The following SOBP variants were observed in gnomAD, a reference collection of about 807,000 sequenced individuals.
SOBP encodes sine oculis-binding protein homolog.
Under a neutral mutation model 53.6 loss-of-function variants are expected in SOBP, and 4 were observed. That is an observed-to-expected ratio of 0.07 (90% confidence interval 0.04 to 0.17). SOBP has a LOEUF of 0.17. SOBP is among the 10% of genes least tolerant of loss of function. The probability of loss-of-function intolerance (pLI) is 1.00; values close to 1 mark genes in which losing one functional copy is unlikely to be tolerated. For missense variants in SOBP, 1,088 were observed against 1,204.7 expected, an observed-to-expected ratio of 0.90 and a Z score of 1.43; for synonymous variants, 584 against 522.6, an observed-to-expected ratio of 1.12 and a Z score of -1.60.
chr6:107,501,537 A>G (rs1422608883), intron 1 of SOBP, among the ~76,000 whole-genome samples: 1 of 152,244 alleles, frequency 6.6e-6, no homozygotes, highest in Non-Finnish European at 1.5e-5. Flanking sequence ...ATTGGGGCAG[A>G]TGGCACACAG....
At chr6:107,568,670 G>A (rs1342033512) in intron 4 of SOBP, among the ~76,000 whole-genome samples, 1 of 152,240 alleles carries the variant, frequency 6.6e-6, no homozygotes, top group South Asian at 2.1e-4. Context: ...AGGGACACTA[G>A]TGGGTATTGT....
In SOBP at chr6:107,533,607, T is replaced by G. The variant is rs1234339905; in HGVS notation, c.570T>G (p.Asn190Lys). 1 of 1,614,004 alleles carries G rather than the reference T, an allele frequency of 6.2e-7. No individual in the cohort carries two copies. The highest frequency in any genetic ancestry group is 1.7e-5 in the Admixed American group (1 of 60,014). The part of the protein sequence containing the change: ...AACRRAYFKR[N>K]KARDEDGHAE... ...GCCGACGAGCCTACTTCAAGAGAAA[T>G]AAGGTAAGAGCACCGGAGAGAGAGG... The change falls in exon 4 of 7, where the codon AAT becomes AAG. Residue 190 changes from asparagine to lysine, a missense_variant. Coordinates refer to ENST00000317357, the MANE Select transcript of SOBP (RefSeq NM_018013.4).
intron 6 of SOBP, among the ~76,000 whole-genome samples, chr6:107,642,804 G>A (rs1196923008): frequency 6.6e-6 from 1 of 152,176 alleles, no homozygotes; most frequent in Admixed American, 6.5e-5. Flanking sequence ...AGTATTTAAA[G>A]AACAAAAGGG....
intron 3 of SOBP, among the ~76,000 whole-genome samples, chr6:107,531,352 C>G (rs891141435): frequency 2.0e-5 from 3 of 152,116 alleles, no homozygotes; most frequent in African/African-American, 7.2e-5. Flanking sequence ...TATGAGAATT[C>G]TGCTGTATCT....
chr6:107,503,646 T>C lies in SOBP; in HGVS notation c.97-11T>C. ...TATAGAAATAAGTAGTAGCCTATGC[T>C]TCTCTTTCAGAACTTTGCAGAAAAC... On this transcript the variant is annotated splice_polypyrimidine_tract_variant and intron_variant, in intron 1 of 6. Coordinates refer to ENST00000317357, the MANE Select transcript of SOBP (RefSeq NM_018013.4). The C allele has an allele frequency of 6.2e-7, 1 of 1,614,054 alleles. No homozygotes were observed. Among genetic ancestry groups the C allele is most frequent in the Non-Finnish European group, 8.5e-7 (1 of 1,179,908 alleles).
chr6:107,500,415 T>G (rs1782807341), intron 1 of SOBP, among the ~76,000 whole-genome samples: 1 of 152,008 alleles, frequency 6.6e-6, no homozygotes, highest in Non-Finnish European at 1.5e-5. Flanking sequence ...AAAGAATATG[T>G]TTCTTGGATG....
chr6:107,490,913 T>A (rs1158099693), intron 1 of SOBP, among the ~76,000 whole-genome samples: 1 of 151,850 alleles, frequency 6.6e-6, no homozygotes, highest in Non-Finnish European at 1.5e-5. Flanking sequence ...AACCTCAGAT[T>A]TGATGAGGGG....
chr6:107,624,009 G>A (rs1770344666), intron 5 of SOBP, among the ~76,000 whole-genome samples: 1 of 142,034 alleles, frequency 7.0e-6, no homozygotes, highest in Non-Finnish European at 1.5e-5. Flanking sequence ...AGAATTAAGA[G>A]AGAGAAGTGA....
At chr6:107,648,421 A>AACAGG (rs10624625) in intron 6 of SOBP, among the ~76,000 whole-genome samples, 101,604 of 151,902 alleles carry the variant, frequency 0.67, 37,155 homozygotes, top group Non-Finnish European at 0.84. Flanking sequence ...CTGCTCCTGT[A>AACAGG]GTCACAGTGG....
intron 4 of SOBP, among the ~76,000 whole-genome samples, chr6:107,582,254 C>T (rs1321889470): frequency 1.3e-5 from 2 of 152,136 alleles, no homozygotes; most frequent in Non-Finnish European, 2.9e-5. Flanking sequence ...CTCCAACATG[C>T]ACATGGCACC....
intron 3 of SOBP, among the ~76,000 whole-genome samples, chr6:107,518,027 TA>T (rs1207725624): frequency 1.3e-5 from 2 of 151,786 alleles, no homozygotes. Context: ...TTTATACAAA[TA>T]AAAAAAGAAA....
chr6:107,581,705 T>A (rs1043850190), intron 4 of SOBP, among the ~76,000 whole-genome samples: 8 of 152,196 alleles, frequency 5.3e-5, no homozygotes, highest in African/African-American at 1.9e-4. Context: ...AAAATGAAAT[T>A]CCATGCGTTT....
intron 4 of SOBP, among the ~76,000 whole-genome samples, chr6:107,561,926 T>C (rs1383640266): frequency 6.6e-6 from 1 of 152,186 alleles, no homozygotes; most frequent in Non-Finnish European, 1.5e-5. Flanking sequence ...TCTTTCTGTG[T>C]CTGAGATTCT....
At chr6:107,496,951 A>T (rs1782717067) in intron 1 of SOBP, among the ~76,000 whole-genome samples, 1 of 152,252 alleles carries the variant, frequency 6.6e-6, no homozygotes, top group African/African-American at 2.4e-5. Context: ...TAAGAAAGAC[A>T]GCTCAGACTC....
At chr6:107,595,948 A>G (rs538532905) in intron 5 of SOBP, among the ~76,000 whole-genome samples, 11 of 152,330 alleles carry the variant, frequency 7.2e-5, no homozygotes, top group African/African-American at 2.4e-4. Context: ...ATTTTGGCTT[A>G]AAATATTTTC....
chr6:107,605,594 A>G (rs1249607353), intron 5 of SOBP, among the ~76,000 whole-genome samples: 1 of 152,236 alleles, frequency 6.6e-6, no homozygotes, highest in Admixed American at 6.5e-5. Context: ...AGAATGTCCC[A>G]GGAAGCATGA....
intron 4 of SOBP, among the ~76,000 whole-genome samples, chr6:107,548,531 C>T (rs186691427): frequency 2.1e-4 from 32 of 152,140 alleles, no homozygotes; most frequent in Admixed American, 9.2e-4. Context: ...CGTGAGCCAC[C>T]GCGCCCAGCC....
At chr6:107,606,691 G>A (rs1371808890) in intron 5 of SOBP, among the ~76,000 whole-genome samples, 1 of 152,220 alleles carries the variant, frequency 6.6e-6, no homozygotes, top group African/African-American at 2.4e-5. Context: ...GAAGGTCTGG[G>A]TGGGGGATAG....
intron 1 of SOBP, among the ~76,000 whole-genome samples, chr6:107,496,349 T>G (rs1782698388): frequency 6.6e-6 from 1 of 152,220 alleles, no homozygotes; most frequent in South Asian, 2.1e-4. Flanking sequence ...TTAGGACATT[T>G]GATGTCCTGG....
Sources: gnomAD v4.1 joint callset for allele counts (sites outside exome capture counted in the v4.1 genomes callset) on GRCh38, gnomAD v4.1.1 for gene constraint, MANE v1.5 for transcripts, NCBI Gene and HGNC (gene_info 2026-07-23, HGNC 2026-07-21) for gene names.